The following TFEC variants were observed in gnomAD, a reference collection of about 807,000 sequenced individuals.
The protein encoded by TFEC is transcription factor EC.
TFEC carries 31 observed loss-of-function variants against 41.6 expected under a neutral mutation model. The observed-to-expected ratio is 0.74, with a 90% CI of 0.56 to 1.01. TFEC has a LOEUF of 1.01. Ranked by LOEUF, TFEC falls within the 50% of genes least tolerant of loss-of-function variation. The pLI is 0.00. For synonymous variants in TFEC, 143 were observed against 140.6 expected, an observed-to-expected ratio of 1.02 and a Z score of -0.12; for missense variants, 402 against 404.1, an observed-to-expected ratio of 0.99 and a Z score of 0.04.
chr7:116,075,243 G>A (rs903156612), intron 3 of TFEC, among the ~76,000 whole-genome samples: 2 of 152,158 alleles, frequency 1.3e-5, no homozygotes, highest in African/African-American at 4.8e-5. Context: ...GTCCATCTCA[G>A]ATATAGGATT....
intron 1 of TFEC, among the ~76,000 whole-genome samples, chr7:116,155,033 A>C (rs1047729468): frequency 6.6e-6 from 1 of 152,166 alleles, no homozygotes; most frequent in Non-Finnish European, 1.5e-5. Flanking sequence ...ATACATTCTC[A>C]GTCTCTGAGT....
chr7:115,980,782 A>T (rs1793595919), intron 2 of TFEC, among the ~76,000 whole-genome samples: 1 of 151,980 alleles, frequency 6.6e-6, no homozygotes, highest in Admixed American at 6.6e-5. Flanking sequence ...AAAAAACAAA[A>T]AAAAACAAAA....
chr7:115,995,877 G>T (rs1794345708), intron 1 of TFEC, among the ~76,000 whole-genome samples: 1 of 152,210 alleles, frequency 6.6e-6, no homozygotes, highest in African/African-American at 2.4e-5. Context: ...CCCGCAGAGG[G>T]AGCATTTAGA....
At chr7:116,072,007 C>G (rs951856481) in intron 3 of TFEC, among the ~76,000 whole-genome samples, 1 of 151,460 alleles carries the variant, frequency 6.6e-6, no homozygotes, top group Non-Finnish European at 1.5e-5. Flanking sequence ...TGATTTCTTT[C>G]CCAAAGATTA....
chr7:115,936,046 C>G lies in TFEC; in HGVS notation c.*4505G>C, dbSNP rs1380917123. On this transcript the variant is annotated 3_prime_UTR_variant, in exon 8 of 8. Transcript: ENST00000265440. Reference sequence around the variant, plus strand: ...TATACATTCAAATCTCTATGGACCTCAGAGGGAAAATGTAGCACTGAAAAT... The same window carrying G: ...TATACATTCAAATCTCTATGGACCTGAGAGGGAAAATGTAGCACTGAAAAT... 1 of 151,482 alleles carries G rather than the reference C, an allele frequency of 6.6e-6. No individual in the cohort carries two copies. Among genetic ancestry groups the G allele is most frequent in the African/African-American group, 2.4e-5 (1 of 41,374 alleles). The allele number at this position is 151,482 out of a possible 1,614,324, so 9.4% of individuals were successfully genotyped here.
intron 6 of TFEC, among the ~76,000 whole-genome samples, chr7:115,946,419 GT>G (rs1562878816): frequency 7.1e-6 from 1 of 141,382 alleles, no homozygotes; most frequent in East Asian, 2.5e-4. Context: ...GTGTGTGTGT[GT>G]GTGTGTGTGT....
At chr7:116,069,156 T>C (rs924905566) in intron 3 of TFEC, among the ~76,000 whole-genome samples, 1 of 151,620 alleles carries the variant, frequency 6.6e-6, no homozygotes, top group African/African-American at 2.4e-5. Flanking sequence ...TCAAGAAGGC[T>C]GTGCTGATTC....
At chr7:116,078,973 T>C (rs1376192978) in intron 3 of TFEC, among the ~76,000 whole-genome samples, 2 of 152,016 alleles carry the variant, frequency 1.3e-5, no homozygotes, top group Non-Finnish European at 2.9e-5. Context: ...AACAAAAAGA[T>C]AGTCCACCAT....
At chr7:116,071,464 A>C (rs1018816344) in intron 3 of TFEC, among the ~76,000 whole-genome samples, 1 of 151,400 alleles carries the variant, frequency 6.6e-6, no homozygotes, top group African/African-American at 2.4e-5. Context: ...AGTATTATCA[A>C]AGGTATTTTT....
intron 3 of TFEC, among the ~76,000 whole-genome samples, chr7:116,071,543 A>G (rs1796829666): frequency 6.6e-6 from 1 of 151,420 alleles, no homozygotes; most frequent in Admixed American, 6.6e-5. Flanking sequence ...ATAAGTTGTT[A>G]AATTAGAAAA....
chr7:116,110,103 C>A (rs1797818492), intron 3 of TFEC, among the ~76,000 whole-genome samples: 1 of 152,138 alleles, frequency 6.6e-6, no homozygotes, highest in Non-Finnish European at 1.5e-5. Context: ...GGAGGGATAG[C>A]ATTAGGAGAT....
At chr7:116,077,429 G>A (rs1034454488) in intron 3 of TFEC, among the ~76,000 whole-genome samples, 4 of 152,018 alleles carry the variant, frequency 2.6e-5, no homozygotes, top group African/African-American at 9.7e-5. Flanking sequence ...ACATCTCAAT[G>A]CTAATGTTGA....
chr7:116,112,019 A>G (rs1266312710), exon 2 of TFEC: 2 of 986,558 alleles, frequency 2.0e-6, no homozygotes, highest in South Asian at 4.7e-5. Flanking sequence ...TCTCTAGGGA[A>G]CTAAATCATT....
intron 2 of TFEC, among the ~76,000 whole-genome samples, chr7:115,977,780 A>G (rs954258278): frequency 6.6e-6 from 1 of 152,080 alleles, no homozygotes; most frequent in Non-Finnish European, 1.5e-5. Context: ...AATTCTATAC[A>G]TAGATAAATT....
intron 2 of TFEC, among the ~76,000 whole-genome samples, chr7:115,978,435 A>C (rs1340030462): frequency 6.6e-6 from 1 of 152,120 alleles, no homozygotes; most frequent in African/African-American, 2.4e-5. Flanking sequence ...TAAACCTAAA[A>C]ATCTTAAAAT....
intron 6 of TFEC, among the ~76,000 whole-genome samples, chr7:115,946,074 A>C (rs940312544): frequency 3.3e-5 from 5 of 151,788 alleles, no homozygotes; most frequent in Admixed American, 6.6e-5. Flanking sequence ...TGGAGTAATA[A>C]TCTCTCATAA....
rs1303624088 is a variant in TFEC, at chr7:115,974,421, T to TAC, written c.181-166_181-165insGT. ...AACCTCAATATTATATATATATATA[T>TAC]ATATATATATATATATATATATATA... On this transcript the variant is annotated intron_variant, in intron 2 of 7. Coordinates refer to ENST00000265440, the MANE Select transcript of TFEC (RefSeq NM_012252.4). Among the ~76,000 whole-genome samples the TAC allele has an allele frequency of 5.2e-3, 355 of 68,892 alleles. 11 individuals carry two copies. The highest frequency in any genetic ancestry group is 9.6e-3 in the Non-Finnish European group (266 of 27,842). 45.2% of individuals were successfully genotyped at this position (68,892 alleles called of 152,430 possible).
chr7:116,097,445 A>G (rs1205253094), intron 3 of TFEC, among the ~76,000 whole-genome samples: 2 of 152,216 alleles, frequency 1.3e-5, no homozygotes, highest in African/African-American at 2.4e-5. Context: ...GCCAACATCA[A>G]TATTCTTGCA....
At chr7:115,981,861 C>T (rs1420732275) in intron 2 of TFEC, among the ~76,000 whole-genome samples, 2 of 151,920 alleles carry the variant, frequency 1.3e-5, no homozygotes, top group African/African-American at 2.4e-5. Context: ...AAGGAGAGCC[C>T]CGCCACCATG....
Sources: allele counts gnomAD v4.1 joint callset (sites outside exome capture counted in the v4.1 genomes callset), GRCh38; gene constraint gnomAD v4.1.1; transcripts MANE v1.5; gene names NCBI Gene and HGNC (gene_info 2026-07-23, HGNC 2026-07-21).